MECOM: variants seen among roughly 807,000 people sequenced by gnomAD.
MECOM encodes the protein histone-lysine N-methyltransferase MECOM.
Under a neutral mutation model 116.3 loss-of-function variants are expected in MECOM, and 13 were observed. The ratio of observed to expected loss-of-function variants is 0.11; its 90% CI spans 0.07 to 0.18. The LOEUF is 0.18. MECOM is among the 10% of genes least tolerant of loss of function. The pLI is 1.00. For synonymous variants in MECOM, 528 were observed against 535.2 expected, an observed-to-expected ratio of 0.99 and a Z score of 0.19; for missense variants, 1,299 against 1,509.0, an observed-to-expected ratio of 0.86 and a Z score of 2.31.
intron 2 of MECOM, among the ~76,000 whole-genome samples, chr3:169,166,420 C>T (rs1198172219): frequency 6.6e-6 from 1 of 152,132 alleles, no homozygotes; most frequent in East Asian, 1.9e-4. Context: ...CGAACAAATG[C>T]ACAAGAGTTT....
At chr3:169,205,028 C>T (rs974857012) in intron 2 of MECOM, among the ~76,000 whole-genome samples, 1 of 152,160 alleles carries the variant, frequency 6.6e-6, no homozygotes, top group Non-Finnish European at 1.5e-5. Flanking sequence ...CTCTGCCGTC[C>T]CTGGATGCTA....
At chr3:169,456,963 G>A (rs1411992548) in intron 1 of MECOM, among the ~76,000 whole-genome samples, 2 of 152,190 alleles carry the variant, frequency 1.3e-5, no homozygotes, top group African/African-American at 4.8e-5. Context: ...CCTGATGTGA[G>A]GCAGGTCAGT....
chr3:169,421,570 A>G (rs1739740852), intron 1 of MECOM, among the ~76,000 whole-genome samples: 1 of 151,602 alleles, frequency 6.6e-6, no homozygotes, highest in South Asian at 2.1e-4. Flanking sequence ...CTTTCCTTTG[A>G]TCTCTTTCTT....
At chr3:169,216,081 A>G (rs1751389965) in intron 2 of MECOM, among the ~76,000 whole-genome samples, 1 of 152,212 alleles carries the variant, frequency 6.6e-6, no homozygotes, top group Non-Finnish European at 1.5e-5. Flanking sequence ...AGCCAAAGTT[A>G]TTTTAGTGTC....
intron 1 of MECOM, among the ~76,000 whole-genome samples, chr3:169,617,475 T>C (rs1770153135): frequency 6.6e-6 from 1 of 152,222 alleles, no homozygotes; most frequent in South Asian, 2.1e-4. Flanking sequence ...CCATAGACTA[T>C]ACTTTGAGTG....
chr3:169,441,235 C>T (rs867940303), intron 1 of MECOM, among the ~76,000 whole-genome samples: 55 of 152,148 alleles, frequency 3.6e-4, no homozygotes, highest in African/African-American at 1.3e-3. Flanking sequence ...ACAGAACCTT[C>T]ATCTCTAAAG....
intron 3 of MECOM, among the ~76,000 whole-genome samples, chr3:169,138,644 A>G (rs549591345): frequency 1.4e-4 from 21 of 152,266 alleles, no homozygotes; most frequent in African/African-American, 4.8e-4. Flanking sequence ...AGCCAATAAT[A>G]ACTTTAACAT....
At chr3:169,207,934 A>G (rs1485076780) in intron 2 of MECOM, among the ~76,000 whole-genome samples, 1 of 152,202 alleles carries the variant, frequency 6.6e-6, no homozygotes, top group Non-Finnish European at 1.5e-5. Flanking sequence ...AATAACATAC[A>G]GAATTTCAAC....
At chr3:169,249,831 C>T (rs1157838058) in intron 2 of MECOM, among the ~76,000 whole-genome samples, 2 of 152,148 alleles carry the variant, frequency 1.3e-5, no homozygotes, top group African/African-American at 4.8e-5. Flanking sequence ...AATGAAACAA[C>T]AGAGAATTAA....
At chr3:169,364,176 G>A (rs1728781756) in intron 2 of MECOM, among the ~76,000 whole-genome samples, 2 of 151,986 alleles carry the variant, frequency 1.3e-5, no homozygotes, top group African/African-American at 2.4e-5. Context: ...TTGCAAAAGG[G>A]TTTCATTCCA....
chr3:169,456,805 C>T lies in MECOM; in HGVS notation c.38-75281G>A, dbSNP rs955615491. Among the ~76,000 whole-genome samples the T allele has an allele frequency of 1.5e-4, 23 of 152,270 alleles. 1 individual carries two copies. Among genetic ancestry groups the T allele is most frequent in the Non-Finnish European group, 1.3e-4 (9 of 68,022 alleles). On this transcript the variant is annotated intron_variant, in intron 1 of 16. Coordinates refer to ENST00000651503, the MANE Select transcript of MECOM (RefSeq NM_004991.4). ...TAATACTACGCACTGAAAGTTTAAC[C>T]AGTATTAGTAATAAACAAACTACTA... is the stretch of plus-strand genomic sequence containing the variant.
intron 1 of MECOM, among the ~76,000 whole-genome samples, chr3:169,444,338 T>C (rs1486402314): frequency 6.6e-6 from 1 of 152,308 alleles, no homozygotes; most frequent in East Asian, 1.9e-4. Flanking sequence ...AAATCTCCAC[T>C]TGAATTCTAT....
At chr3:169,538,342 A>T (rs771551310) in intron 1 of MECOM, among the ~76,000 whole-genome samples, 2 of 152,060 alleles carry the variant, frequency 1.3e-5, no homozygotes, top group African/African-American at 2.4e-5. Context: ...ACAACCCAAA[A>T]TTCTCTCCAC....
chr3:169,352,858 G>C (rs1726591329), intron 2 of MECOM, among the ~76,000 whole-genome samples: 1 of 151,852 alleles, frequency 6.6e-6, no homozygotes, highest in African/African-American at 2.4e-5. Context: ...GACCTAAGAA[G>C]AGATGACAAT....
intron 2 of MECOM, among the ~76,000 whole-genome samples, chr3:169,226,957 T>G (rs561591262): frequency 6.6e-6 from 1 of 152,356 alleles, no homozygotes; most frequent in African/African-American, 2.4e-5. Flanking sequence ...AGGAAATCCT[T>G]GCCCTATGTT....
At chr3:169,586,838 T>C (rs937846222) in intron 1 of MECOM, among the ~76,000 whole-genome samples, 36 of 152,206 alleles carry the variant, frequency 2.4e-4, no homozygotes, top group African/African-American at 8.0e-4. Context: ...TCTGGTAATG[T>C]TCTCTGCGCA....
At chr3:169,422,064 C>T (rs2108510501) in intron 1 of MECOM, among the ~76,000 whole-genome samples, 1 of 152,112 alleles carries the variant, frequency 6.6e-6, no homozygotes, top group South Asian at 2.1e-4. Flanking sequence ...TTTATTTTTG[C>T]TCTTTTTATT....
At chr3:169,429,920 A>G (rs1741334110) in intron 1 of MECOM, among the ~76,000 whole-genome samples, 1 of 152,208 alleles carries the variant, frequency 6.6e-6, no homozygotes, top group Non-Finnish European at 1.5e-5. Context: ...GCAGAGTCCC[A>G]CTGTCTCTCC....
rs190696313 is a variant in MECOM at position 169,392,347 on chromosome 3, C to G, written c.38-10823G>C. Among the ~76,000 whole-genome samples, 4 of 152,294 alleles carry G rather than the reference C, an allele frequency of 2.6e-5. No homozygotes were observed. The East Asian group carries it at 7.7e-4, about 29-fold the overall frequency. On this transcript the variant is annotated intron_variant, in intron 1 of 16. Transcript: ENST00000651503. The stretch of plus-strand genomic sequence containing the variant: ...GTTTTGTGTGAATGCTTCAATTGCA[C>G]ATTCCAATTGAAATTTTGTGGATAG...
Sources: allele counts gnomAD v4.1 joint callset (sites outside exome capture counted in the v4.1 genomes callset), GRCh38; gene constraint gnomAD v4.1.1; transcripts MANE v1.5; gene names NCBI Gene and HGNC (gene_info 2026-07-23, HGNC 2026-07-21).